Variants in P2RY14 observed in about 807,000 individuals in gnomAD.
P2RY14 encodes purinergic receptor P2Y14.
In P2RY14, 2 loss-of-function variants were observed where a neutral mutation model predicts 0.9. The observed-to-expected ratio is 2.16, with a 90% CI of 0.88 to 6.79. The LOEUF is 6.79. Ranked by LOEUF, P2RY14 falls within the 30% of genes most tolerant of loss-of-function variation. P2RY14 has a pLI of 0.05. For missense variants in P2RY14, 378 were observed against 400.1 expected (o/e 0.94, Z 0.47); for synonymous variants, 158 against 147.2 (o/e 1.07, Z -0.53).
chr3:151,248,777 G>C (rs958490449), intron 1 of P2RY14: 3 of 151,880 alleles, frequency 2.0e-5, no homozygotes, highest in South Asian at 4.2e-4. Flanking sequence ...AAAAATTTAG[G>C]ATGTCAGCAC....
rs1036901127 is a variant in P2RY14 at position 151,213,849 on chromosome 3, A to G, written c.468T>C (p.Asn156=). The G allele has an allele frequency of 2.5e-6, 4 of 1,614,036 alleles. No homozygotes were observed. The African/African-American group carries it at 4.0e-5, about 16-fold the overall frequency. Reference sequence around the variant, plus strand: ...TAACACTCTGGTTGGTGAGAATAATATTTGGAACAGCAAGGAGGAGCATGA... The same window carrying G: ...TAACACTCTGGTTGGTGAGAATAATGTTTGGAACAGCAAGGAGGAGCATGA... ...WMLMLLLAVP[N]IILTNQSVRE... Residue 156 remains asparagine (N), a synonymous_variant, in exon 3 of 3, where the codon AAT becomes AAC. Coordinates refer to ENST00000309170, the MANE Select transcript of P2RY14 (RefSeq NM_014879.4).
intron 1 of P2RY14, chr3:151,270,242 T>TGTGTGTGTGTGTGTG (rs1553764758): frequency 1.1e-3 from 171 of 155,122 alleles, no homozygotes; most frequent in Middle Eastern, 3.1e-3. Flanking sequence ...TGTGTGTGTG[T>TGTGTGTGTGTGTGTG]TTTCTTTTGG....
Position 151,229,434 on chromosome 3 carries a change from G to A in P2RY14, c.-132-9792C>T, listed in dbSNP as rs375724128. Among the ~76,000 whole-genome samples the A allele has an allele frequency of 5.3e-4, 78 of 147,988 alleles. 1 individual carries two copies. The East Asian group carries it at 0.011, about 20-fold the overall frequency. On this transcript the variant is annotated intron_variant, in intron 1 of 2. Coordinates refer to ENST00000309170, the MANE Select transcript of P2RY14 (RefSeq NM_014879.4). ...CGATTCTCCTGCGTCAGCCTCCCGA[G>A]TAGCTGGGACTACAGGCTCGTGCCA...
At chr3:151,269,457 A>T (rs921949131) in intron 1 of P2RY14, 4 of 244,182 alleles carry the variant, frequency 1.6e-5, no homozygotes, top group Non-Finnish European at 3.2e-5. Flanking sequence ...CAGAGACTTA[A>T]TGAACAAGCC....
At position 151,213,236 on chromosome 3, in the gene P2RY14, T is replaced by C; in HGVS notation, c.*64A>G. 8.1e-7 allele frequency: 1 copy of C among 1,238,862 alleles called. No homozygotes were observed. The highest frequency in any genetic ancestry group is 1.1e-6 in the Non-Finnish European group (1 of 881,262). The allele number at this position is 1,238,862 out of a possible 1,614,324, so 76.7% of individuals were successfully genotyped here. ...TGATGAGGGCACATATCTTATTGAT[T>C]TCTGTTATGTAATTGAAGATGACAA... On this transcript the variant is annotated 3_prime_UTR_variant, in exon 3 of 3. Transcript: ENST00000309170.
At chr3:151,215,437 A>G (rs182312541) in intron 2 of P2RY14, among the ~76,000 whole-genome samples, 9 of 151,920 alleles carry the variant, frequency 5.9e-5, no homozygotes, top group African/African-American at 1.9e-4. Flanking sequence ...TCTATTAAAT[A>G]AAATATATTA....
chr3:151,213,886 A>G lies in P2RY14; in HGVS notation c.431T>C (p.Ile144Thr), dbSNP rs754601212. 37 of 1,613,870 alleles carry G rather than the reference A, an allele frequency of 2.3e-5. No homozygotes were observed. The highest frequency in any genetic ancestry group is 5.0e-5 in the Admixed American group (3 of 60,008). The change falls in exon 3 of 3, where the codon ATA becomes ACA. Residue 144 changes from isoleucine (I) to threonine (T), a missense_variant. Coordinates refer to ENST00000309170, the MANE Select transcript of P2RY14 (RefSeq NM_014879.4). ...SVSYSKLLSV[I>T]VWMLMLLLAV... ...AAGGAGGAGCATGAGCATCCATACT[A>G]TCACTGACAGAAGTTTGCTGTAACT...
rs1734724163 is a variant in P2RY14, at chr3:151,243,633, G to A, written c.-132-23991C>T. 3.3e-5 allele frequency among the ~76,000 whole-genome samples: 5 copies of A among 151,732 alleles called. No homozygotes were observed. The South Asian group carries it at 8.3e-4, about 25-fold the overall frequency. ...TGAAGGAAGCGCTAAACATGGAAAG[G>A]AACAACTGGTACCAGCCGCTGCAAA... On this transcript the variant is annotated intron_variant, in intron 1 of 2. Coordinates refer to ENST00000309170, the MANE Select transcript of P2RY14 (RefSeq NM_014879.4).
intron 1 of P2RY14, among the ~76,000 whole-genome samples, chr3:151,253,967 G>C (rs1384688203): frequency 6.8e-6 from 1 of 146,758 alleles, no homozygotes; most frequent in Non-Finnish European, 1.5e-5. Flanking sequence ...GGATACATTT[G>C]ATATACCTTC....
intron 1 of P2RY14, among the ~76,000 whole-genome samples, chr3:151,254,420 T>A (rs1737430370): frequency 6.6e-6 from 1 of 152,230 alleles, no homozygotes; most frequent in African/African-American, 2.4e-5. Context: ...AGGGGAAACC[T>A]TGCTGTCTTG....
At chr3:151,242,847 C>T (rs1408347827) in intron 1 of P2RY14, among the ~76,000 whole-genome samples, 1 of 149,152 alleles carries the variant, frequency 6.7e-6, no homozygotes, top group Non-Finnish European at 1.5e-5. Flanking sequence ...AAACCAAAGG[C>T]AAAGAAGTTG....
intron 1 of P2RY14, among the ~76,000 whole-genome samples, chr3:151,223,114 A>T (rs969886799): frequency 6.7e-6 from 1 of 150,298 alleles, no homozygotes; most frequent in Admixed American, 6.7e-5. Flanking sequence ...AGTATGGAAC[A>T]TGTGCTGGTT....
intron 1 of P2RY14, among the ~76,000 whole-genome samples, chr3:151,234,031 G>A (rs1283015681): frequency 1.3e-5 from 2 of 152,188 alleles, no homozygotes; most frequent in Non-Finnish European, 2.9e-5. Flanking sequence ...GAAATACTTG[G>A]TGAAGATGAA....
chr3:151,242,207 G>A (rs1368476050), intron 1 of P2RY14, among the ~76,000 whole-genome samples: 2 of 152,226 alleles, frequency 1.3e-5, no homozygotes, highest in Non-Finnish European at 2.9e-5. Flanking sequence ...AGGGGCGCCC[G>A]CCATTGCCCA....
intron 1 of P2RY14, among the ~76,000 whole-genome samples, chr3:151,234,944 A>G (rs1249825149): frequency 6.6e-6 from 1 of 152,242 alleles, no homozygotes; most frequent in Non-Finnish European, 1.5e-5. Context: ...CGTTCCAGCG[A>G]ACTTTCTTCT....
At position 151,213,817 on chromosome 3, in the gene P2RY14, A is replaced by G. The variant is rs149367748; in HGVS notation, c.500T>C (p.Val167Ala). 7.5e-5 allele frequency: 121 copies of G among 1,614,108 alleles called. 1 individual carries two copies. In the African/African-American group the frequency reaches 1.3e-3, roughly 17 times the overall value. The stretch of plus-strand genomic sequence containing the variant: ...CAGTTCTATACATTTTATTTGTGTA[A>G]CCTCCCTAACACTCTGGTTGGTGAG... ...IILTNQSVRE[V>A]TQIKCIELKS... The change falls in exon 3 of 3, where the codon GTT (valine) becomes GCT (alanine). Residue 167 changes from valine to alanine, a missense_variant. Val to Ala is a moderately conservative substitution (Grantham distance 64, BLOSUM62 0). Coordinates refer to ENST00000309170, the MANE Select transcript of P2RY14 (RefSeq NM_014879.4).
chr3:151,240,466 G>C (rs574661986), intron 1 of P2RY14, among the ~76,000 whole-genome samples: 10 of 152,292 alleles, frequency 6.6e-5, no homozygotes, highest in Admixed American at 4.6e-4. Flanking sequence ...GTCTTGTTTA[G>C]TTTCTCAGCA....
At chr3:151,254,325 A>G (rs1399356772) in intron 1 of P2RY14, among the ~76,000 whole-genome samples, 3 of 152,188 alleles carry the variant, frequency 2.0e-5, no homozygotes, top group Admixed American at 6.5e-5. Flanking sequence ...CATTCACGTA[A>G]CTAGAGCTAT....
At chr3:151,227,923 G>A (rs1277809756) in intron 1 of P2RY14, among the ~76,000 whole-genome samples, 2 of 152,138 alleles carry the variant, frequency 1.3e-5, no homozygotes, top group African/African-American at 4.8e-5. Context: ...GCAGTAGAAC[G>A]CCATGGTTTG....
Sources: allele counts gnomAD v4.1 joint callset (sites outside exome capture counted in the v4.1 genomes callset), GRCh38; gene constraint gnomAD v4.1.1; transcripts MANE v1.5; gene names NCBI Gene and HGNC (gene_info 2026-07-23, HGNC 2026-07-21).